Variants in MAEA observed in about 807,000 individuals in gnomAD.
The protein encoded by MAEA is E3 ubiquitin-protein transferase MAEA.
In MAEA, 22 loss-of-function variants were observed where a neutral mutation model predicts 46.2. That is an observed-to-expected ratio of 0.48 (90% CI 0.34 to 0.68). MAEA has a LOEUF of 0.68. Ranked by LOEUF, MAEA falls within the 30% of genes least tolerant of loss-of-function variation. The probability of loss-of-function intolerance (pLI) is 0.01; values close to 1 mark genes in which losing one functional copy is unlikely to be tolerated. For missense variants in MAEA, 393 were observed against 558.1 expected (o/e 0.70, Z 2.98); for synonymous variants, 246 against 222.6 (o/e 1.11, Z -0.94).
intron 4 of MAEA, among the ~76,000 whole-genome samples, chr4:1,324,246 G>A (rs1199213560): frequency 2.0e-5 from 3 of 148,724 alleles, no homozygotes; most frequent in Non-Finnish European, 4.4e-5. Flanking sequence ...GTGGATGAGC[G>A]TGTCTGGTGT....
At chr4:1,325,123 G>C (rs946310907) in intron 4 of MAEA, among the ~76,000 whole-genome samples, 1 of 152,214 alleles carries the variant, frequency 6.6e-6, no homozygotes, top group Non-Finnish European at 1.5e-5. Flanking sequence ...ACGCCAGGGG[G>C]TGTGTGGGGA....
chr4:1,324,192 C>T (rs896283572), intron 4 of MAEA, among the ~76,000 whole-genome samples: 2 of 116,172 alleles, frequency 1.7e-5, no homozygotes, highest in Admixed American at 2.0e-4. Context: ...GATGCCTGGT[C>T]AATGAGTGTG....
intron 1 of MAEA, among the ~76,000 whole-genome samples, chr4:1,307,274 C>T (rs1439199519): frequency 4.0e-5 from 6 of 151,378 alleles, no homozygotes; most frequent in Non-Finnish European, 8.8e-5. Flanking sequence ...ATGACCCTCT[C>T]ATCTTGCAAA....
rs199876630 is a variant in MAEA at position 1,327,751 on chromosome 4, G to A, written c.656+48G>A. On this transcript the variant is annotated intron_variant, in intron 5 of 8. Coordinates refer to ENST00000303400, the MANE Select transcript of MAEA (RefSeq NM_001017405.3). Reference sequence around the variant, plus strand: ...TCCTCGAGGGAGGGCAGGATGTTCGGCTGCGGCCCCTGCCAGCCCTCCCTG... The same window carrying A: ...TCCTCGAGGGAGGGCAGGATGTTCGACTGCGGCCCCTGCCAGCCCTCCCTG... The A allele has an allele frequency of 1.0e-4, 162 of 1,546,814 alleles. No individual in the cohort carries two copies. In the African/African-American group the frequency reaches 2.0e-3, roughly 20 times the overall value.
intron 1 of MAEA, chr4:1,298,052 G>T (rs759914598): frequency 2.2e-6 from 1 of 456,286 alleles, no homozygotes; most frequent in South Asian, 1.5e-5. Flanking sequence ...CCTGGAGTGG[G>T]TGTCGAGTAC....
Position 1,329,057 on chromosome 4 carries a change from C to T in MAEA, c.656+1354C>T, listed in dbSNP as rs925976002. 1.1e-5 allele frequency: 11 copies of T among 985,788 alleles called. No individual in the cohort carries two copies. The East Asian group carries it at 6.8e-4, about 61-fold the overall frequency. 61.1% of individuals were successfully genotyped at this position (985,788 alleles called of 1,614,324 possible). A position where few individuals can be genotyped will look rare whatever the true frequency, so the allele number is the denominator to read the frequency against. On this transcript the variant is annotated intron_variant, in intron 5 of 8. Coordinates refer to ENST00000303400, the MANE Select transcript of MAEA (RefSeq NM_001017405.3). ...GTCCGGCGGCAGTCTGCTTCCATCC[C>T]GAGTCAGCCTCCGTCTCCTTGAGGG...
rs948190791 is a variant in MAEA, at chr4:1,338,105, G to A, written c.900-317G>A. On this transcript the variant is annotated intron_variant, in intron 7 of 8. Transcript: ENST00000303400. ...AGGTGCCAGCAGAACGTCCCTGCTG[G>A]GTGGCTCTTGTCCTGCCTGGAGAGG... The A allele has an allele frequency of 2.4e-5, 8 of 327,778 alleles. No individual in the cohort carries two copies. In the East Asian group the frequency reaches 4.5e-4, roughly 18 times the overall value. 20.3% of individuals were successfully genotyped at this position (327,778 alleles called of 1,614,324 possible).
intron 3 of MAEA, among the ~76,000 whole-genome samples, chr4:1,317,128 C>T (rs1198128846): frequency 4.4e-5 from 5 of 112,606 alleles, no homozygotes; most frequent in South Asian, 7.4e-4. Context: ...TCCCACACTC[C>T]AGACTCACCC....
intron 2 of MAEA, chr4:1,312,698 A>G (rs975702605): frequency 6.3e-6 from 1 of 158,688 alleles, no homozygotes; most frequent in South Asian, 1.8e-4. Flanking sequence ...CCAAAGCTGA[A>G]ATTACAGGTG....
In MAEA at chr4:1,319,848, C is replaced by T. The variant is rs1737798781; in HGVS notation, c.457-2533C>T. Among the ~76,000 whole-genome samples, 4 of 151,918 alleles carry T rather than the reference C, an allele frequency of 2.6e-5. No homozygotes were observed. In the South Asian group the frequency reaches 8.3e-4, roughly 31 times the overall value. On this transcript the variant is annotated intron_variant, in intron 3 of 8. Coordinates refer to ENST00000303400, the MANE Select transcript of MAEA (RefSeq NM_001017405.3). ...TCAGAAAAGAAATCATCAAAGCAAA[C>T]ATGCAAGAAAACACTATGAAGGGGC...
At position 1,333,489 on chromosome 4, in the gene MAEA, CT is replaced by C. The variant is rs1297566507; in HGVS notation, c.765+627del. On this transcript the variant is annotated intron_variant, in intron 6 of 8. Transcript: ENST00000303400. The stretch of plus-strand genomic sequence containing the variant: ...TTAGGCTGCACCGTCTTCCGTGGTT[CT>C]TTCTCTTGCTGACGCTTTGTATTTT... Among the ~76,000 whole-genome samples, 7 of 152,158 alleles carry C rather than the reference CT, an allele frequency of 4.6e-5. No individual in the cohort carries two copies. In the East Asian group the frequency reaches 1.3e-3, roughly 29 times the overall value.
At chr4:1,316,208 C>T (rs774259381) in intron 3 of MAEA, among the ~76,000 whole-genome samples, 5 of 152,186 alleles carry the variant, frequency 3.3e-5, no homozygotes, top group African/African-American at 7.2e-5. Context: ...TGTAGAAACA[C>T]GTGGCACCCT....
intron 1 of MAEA, among the ~76,000 whole-genome samples, chr4:1,302,466 A>G (rs975122022): frequency 6.6e-6 from 1 of 152,392 alleles, no homozygotes; most frequent in South Asian, 2.1e-4. Context: ...GTTCATTAAT[A>G]CAAAGGCAAA....
At chr4:1,320,520 A>G (rs189341402) in intron 3 of MAEA, among the ~76,000 whole-genome samples, 97 of 151,120 alleles carry the variant, frequency 6.4e-4, no homozygotes, top group African/African-American at 2.1e-3. Context: ...AAACGCTATG[A>G]AGGGGCTTCA....
chr4:1,309,408 G>T, intron 1 of MAEA: 2 of 1,270,862 alleles, frequency 1.6e-6, no homozygotes, highest in Non-Finnish European at 2.0e-6. Context: ...CACGTGCTGA[G>T]TCCCCCGGAA....
At chr4:1,324,182 GATGCCTGGTCA>G in intron 4 of MAEA, among the ~76,000 whole-genome samples, 1 of 149,732 alleles carries the variant, frequency 6.7e-6, no homozygotes, top group Admixed American at 6.7e-5. Flanking sequence ...GTTGAGATTG[GATGCCTGGTCA>G]ATGAGTGTGC....
rs143154328 is a variant in MAEA at position 1,321,853 on chromosome 4, G to A, written c.457-528G>A. ...AGCGGAGACTTGATGCTAAGCCTGG[G>A]TTACTCTGTTTTTTTTGTTGTTTTT... On this transcript the variant is annotated intron_variant, in intron 3 of 8. Transcript: ENST00000303400. Among the ~76,000 whole-genome samples the A allele has an allele frequency of 3.9e-3, 585 of 149,470 alleles. 5 individuals are homozygous for A. Among genetic ancestry groups the A allele is most frequent in the African/African-American group, 0.014 (560 of 40,336 alleles).
chr4:1,326,650 G>A (rs1250899152), intron 4 of MAEA, among the ~76,000 whole-genome samples: 2 of 150,128 alleles, frequency 1.3e-5, no homozygotes, highest in East Asian at 2.0e-4. Flanking sequence ...CAGGCATAGT[G>A]CCTTCAGCCA....
intron 1 of MAEA, among the ~76,000 whole-genome samples, chr4:1,299,219 G>T (rs1408264820): frequency 6.6e-6 from 1 of 152,162 alleles, no homozygotes; most frequent in Non-Finnish European, 1.5e-5. Flanking sequence ...CTTAACACCT[G>T]CTGCCCAAAC....
Sources: gnomAD v4.1 joint callset for allele counts (sites outside exome capture counted in the v4.1 genomes callset) on GRCh38, gnomAD v4.1.1 for gene constraint, MANE v1.5 for transcripts, NCBI Gene and HGNC (gene_info 2026-07-23, HGNC 2026-07-21) for gene names.